Variants in HERC3 observed in about 807,000 individuals in gnomAD.
HERC3 encodes HECT and RLD domain containing E3 ubiquitin protein ligase 3.
Under a neutral mutation model 129.9 loss-of-function variants are expected in HERC3, and 58 were observed. That is an observed-to-expected ratio of 0.45 (90% confidence interval 0.36 to 0.56). The LOEUF is 0.56. HERC3 is among the 20% of genes least tolerant of loss of function. HERC3 has a pLI of 0.00. For missense variants in HERC3, 835 were observed against 1,244.2 expected, an observed-to-expected ratio of 0.67 and a Z score of 4.95; for synonymous variants, 430 against 451.0, an observed-to-expected ratio of 0.95 and a Z score of 0.59.
At chr4:88,601,033 C>T (rs1560659101) in intron 2 of HERC3, among the ~76,000 whole-genome samples, 1 of 152,356 alleles carries the variant, frequency 6.6e-6, no homozygotes, top group East Asian at 1.9e-4. Flanking sequence ...ACCACCACCA[C>T]TACCCTGCCA....
Position 88,668,018 on chromosome 4 carries a change from A to G in HERC3, c.1570A>G (p.Thr524Ala). ...ACTCCAGGATTCCAAGTATTATATA[A>G]CATTGACTATTCCCTTGGCTATGGC... ...PLLQDSKYYI[T>A]LTIPLAMAIL... Residue 524 changes from threonine (T) to alanine (A), a missense_variant, in exon 14 of 26, where the codon ACA becomes GCA. Transcript: ENST00000402738. 6.2e-7 allele frequency: 1 copy of G among 1,613,752 alleles called. No individual in the cohort carries two copies. Among genetic ancestry groups the G allele is most frequent in the Non-Finnish European group, 8.5e-7 (1 of 1,179,680 alleles).
the HERC3 span, among the ~76,000 whole-genome samples, chr4:88,530,621 G>GAATACTCATC: frequency 6.6e-6 from 1 of 152,098 alleles, no homozygotes; most frequent in Non-Finnish European, 1.5e-5. Context: ...GAATATAAAA[G>GAATACTCATC]TTTGCTAGGC....
intron 18 of HERC3, 50 bp downstream of exon 18, chr4:88,676,473 C>A: frequency 2.4e-6 from 3 of 1,268,168 alleles, no homozygotes; most frequent in Non-Finnish European, 3.4e-6. Flanking sequence ...TTCTCCCATT[C>A]TAGACATTCA....
chr4:88,655,905 T>C lies in HERC3; in HGVS notation c.939T>C (p.Ser313=), dbSNP rs1318794441. Residue 313 remains serine (S), a synonymous_variant, in exon 9 of 26, where the codon TCT becomes TCC. Coordinates refer to ENST00000402738, the MANE Select transcript of HERC3 (RefSeq NM_014606.3). ...ATACCCTAGCCTTCGTGCCTTCTTCTGGACTCATCTATGCATTTGGTTGTG... is the reference window on the plus strand; with the variant it reads ...ATACCCTAGCCTTCGTGCCTTCTTCCGGACTCATCTATGCATTTGGTTGTG... The part of the protein sequence containing the change: ...RQHTLAFVPS[S]GLIYAFGCGA... The C allele has an allele frequency of 1.2e-6, 2 of 1,613,926 alleles. No individual in the cohort carries two copies. The highest frequency in any genetic ancestry group is 1.7e-6 in the Non-Finnish European group (2 of 1,179,936).
chr4:88,565,029 G>A, the HERC3 span, among the ~76,000 whole-genome samples: 35,350 of 151,824 alleles, frequency 0.23, 8,042 homozygotes, highest in African/African-American at 0.59. Flanking sequence ...CCTTGTGTTT[G>A]TATAGTTTCC....
chr4:88,621,338 C>G lies in HERC3; in HGVS notation c.226+15289C>G, dbSNP rs59741938. ...GCCAGGCTGGTCTCAAACTCCTGAC[C>G]TCAGGTGATCAACCCACTTGGCCTC... On this transcript the variant is annotated intron_variant, in intron 3 of 25. Coordinates refer to ENST00000402738, the MANE Select transcript of HERC3 (RefSeq NM_014606.3). 8.4e-3 allele frequency among the ~76,000 whole-genome samples: 1,283 copies of G among 152,254 alleles called. 19 individuals are homozygous for G. The highest frequency in any genetic ancestry group is 0.029 in the African/African-American group (1,216 of 41,538).
At chr4:88,526,082 A>G in the HERC3 span, among the ~76,000 whole-genome samples, 1 of 152,248 alleles carries the variant, frequency 6.6e-6, no homozygotes, top group African/African-American at 2.4e-5. Flanking sequence ...AAATAAAACA[A>G]TTCAAGTAAA....
intron 3 of HERC3, among the ~76,000 whole-genome samples, chr4:88,640,276 T>C (rs1480443763): frequency 6.6e-6 from 1 of 152,136 alleles, no homozygotes; most frequent in African/African-American, 2.4e-5. Context: ...GATGCACACA[T>C]ATGTTTATTG....
chr4:88,626,526 G>A (rs578212956), intron 3 of HERC3, among the ~76,000 whole-genome samples: 19 of 152,186 alleles, frequency 1.2e-4, no homozygotes, highest in African/African-American at 4.1e-4. Context: ...TATGTTCAAG[G>A]TATATAAGGT....
chr4:88,587,827 A>G (rs1721570580), upstream of HERC3, among the ~76,000 whole-genome samples: 3 of 152,378 alleles, frequency 2.0e-5, no homozygotes, highest in South Asian at 6.2e-4. Context: ...GTGCAGCTAC[A>G]TGATGACAAA....
At chr4:88,598,228 T>C (rs1240033663) in intron 2 of HERC3, 1 of 152,146 alleles carries the variant, frequency 6.6e-6, no homozygotes, top group African/African-American at 2.4e-5. Context: ...GTGTGCATAG[T>C]CGCATAGTCT....
At chr4:88,669,774 C>A in intron 14 of HERC3, 86 bp from the exon 15 acceptor site, 1 of 1,181,174 alleles carries the variant, frequency 8.5e-7, no homozygotes. Context: ...ATCTTCTAGA[C>A]AAAGCAATTT....
chr4:88,555,207 T>C, the HERC3 span, among the ~76,000 whole-genome samples: 68 of 148,516 alleles, frequency 4.6e-4, no homozygotes, highest in East Asian at 0.012. Flanking sequence ...TGCTTGAACC[T>C]GGGAGGCGGA....
Position 88,603,541 on chromosome 4 carries a change from A to G in HERC3, c.-29-2254A>G, listed in dbSNP as rs1723262801. ...CTCTTAATTTGCTATCTTAAATAGG[A>G]GCATCTACTGTTTTATAAGGCATGC... On this transcript the variant is annotated intron_variant, in intron 2 of 25. Transcript: ENST00000402738. Among the ~76,000 whole-genome samples, 3 of 152,092 alleles carry G rather than the reference A, an allele frequency of 2.0e-5. No homozygotes were observed. In the South Asian group the frequency reaches 6.2e-4, roughly 32 times the overall value.
the HERC3 span, among the ~76,000 whole-genome samples, chr4:88,552,347 C>T: frequency 2.0e-5 from 3 of 152,040 alleles, no homozygotes; most frequent in Non-Finnish European, 4.4e-5. Context: ...TGGGTTTGGA[C>T]GGTGAATTTG....
chr4:88,635,107 C>T (rs1184441956), intron 3 of HERC3, among the ~76,000 whole-genome samples: 4 of 151,888 alleles, frequency 2.6e-5, no homozygotes, highest in East Asian at 3.9e-4. Flanking sequence ...TCTAAATGAT[C>T]GCAACACCTC....
the HERC3 span, among the ~76,000 whole-genome samples, chr4:88,565,880 A>C: frequency 6.6e-6 from 1 of 151,966 alleles, no homozygotes; most frequent in African/African-American, 2.4e-5. Context: ...CCTTTTAGTG[A>C]AGGTGATTTT....
chr4:88,538,207 A>G, the HERC3 span, among the ~76,000 whole-genome samples: 123 of 152,334 alleles, frequency 8.1e-4, no homozygotes, highest in African/African-American at 2.9e-3. Flanking sequence ...GCATCGCAGT[A>G]AAGGAACCAT....
intron 14 of HERC3, 42 bp downstream of exon 14, chr4:88,668,123 T>C: frequency 3.3e-6 from 5 of 1,507,266 alleles, no homozygotes; most frequent in Non-Finnish European, 4.6e-6. Context: ...TATGGTCATT[T>C]GTTTTGTTGG....
Sources: allele counts gnomAD v4.1 joint callset (sites outside exome capture counted in the v4.1 genomes callset), GRCh38; gene constraint gnomAD v4.1.1; transcripts MANE v1.5; gene names NCBI Gene and HGNC (gene_info 2026-07-23, HGNC 2026-07-21).